The following HTT variants were observed in gnomAD, a reference collection of about 807,000 sequenced individuals.
HTT encodes the protein huntingtin, also known as huntington disease protein.
Under a neutral mutation model 362.3 loss-of-function variants are expected in HTT, and 104 were observed. The observed-to-expected ratio is 0.29, with a 90% confidence interval of 0.24 to 0.34. HTT has a LOEUF of 0.34. HTT is among the 10% of genes least tolerant of loss of function. The pLI is 1.00. For synonymous variants in HTT, 1,577 were observed against 1,548.7 expected, an observed-to-expected ratio of 1.02 and a Z score of -0.43; for missense variants, 3,301 against 3,928.6, an observed-to-expected ratio of 0.84 and a Z score of 4.27.
intron 66 of HTT, among the ~76,000 whole-genome samples, chr4:3,239,551 G>T (rs984849287): frequency 4.6e-5 from 7 of 152,238 alleles, no homozygotes; most frequent in African/African-American, 1.7e-4. Flanking sequence ...TTGGAGCAGG[G>T]CTAGTGGAGG....
rs1433150401 is a variant in HTT, at chr4:3,229,985, G to C, written c.8208G>C (p.Glu2736Asp). The C allele has an allele frequency of 3.1e-6, 5 of 1,614,148 alleles. No homozygotes were observed. The East Asian group carries it at 1.1e-4, about 36-fold the overall frequency. Residue 2736 changes from glutamate to aspartate, a missense_variant, in exon 60 of 67, where the codon GAG (glutamate) becomes GAC (aspartate). By Grantham distance (45) the Glu-to-Asp change is conservative. Coordinates refer to ENST00000355072, the MANE Select transcript of HTT (RefSeq NM_001388492.1). ...ELRRVHPSEDEILAQYLVPAT... is the reference protein window; with the variant it reads ...ELRRVHPSEDDILAQYLVPAT... ...GAAGGGTGCACCCTTCAGAAGACGAGATCCTCGCTCAGTACCTGGTGCCTG... is the reference window on the plus strand; with the variant it reads ...GAAGGGTGCACCCTTCAGAAGACGACATCCTCGCTCAGTACCTGGTGCCTG...
chr4:3,085,357 G>A (rs1234927080), intron 1 of HTT, among the ~76,000 whole-genome samples: 3 of 152,058 alleles, frequency 2.0e-5, no homozygotes, highest in East Asian at 1.9e-4. Flanking sequence ...GGCTGGTCTC[G>A]AACTCCTGAC....
At position 3,218,405 on chromosome 4, in the gene HTT, G is replaced by A. The variant is rs1244116628; in HGVS notation, c.7242+453G>A. Among the ~76,000 whole-genome samples the A allele has an allele frequency of 1.3e-5, 2 of 152,156 alleles. No individual in the cohort carries two copies. Among genetic ancestry groups the A allele is most frequent in the Admixed American group, 1.3e-4 (2 of 15,266 alleles). ...CCCAGCACTTTGGGAAGCCAAGGTG[G>A]GCGGATCACTTGAGGTCAGGATTTC... On this transcript the variant is annotated intron_variant, in intron 52 of 66. Transcript: ENST00000355072. The surrounding 1 kb of genome is among the most constrained non-coding windows in gnomAD (Gnocchi z 4.4).
chr4:3,232,375 C>T (rs1053675978), intron 60 of HTT, among the ~76,000 whole-genome samples: 1 of 152,126 alleles, frequency 6.6e-6, no homozygotes, highest in Non-Finnish European at 1.5e-5. Context: ...ATTCTGTGTC[C>T]CCATAGTCTT....
intron 51 of HTT, among the ~76,000 whole-genome samples, chr4:3,215,460 C>T (rs1294420191): frequency 1.3e-5 from 2 of 152,150 alleles, no homozygotes; most frequent in Non-Finnish European, 2.9e-5. Context: ...TGGGATGCCA[C>T]TGGGGGAGCG....
intron 53 of HTT, among the ~76,000 whole-genome samples, chr4:3,222,125 C>G (rs1720701769): frequency 6.6e-6 from 1 of 152,274 alleles, no homozygotes; most frequent in South Asian, 2.1e-4. Context: ...GTTGACCAGG[C>G]TGCCAGGGCC....
intron 27 of HTT, among the ~76,000 whole-genome samples, chr4:3,156,233 C>T (rs758281297): frequency 6.6e-6 from 1 of 152,158 alleles, no homozygotes; most frequent in Non-Finnish European, 1.5e-5. Context: ...AATTCTCCTG[C>T]CTCAGCCTCC....
chr4:3,157,334 G>T, intron 28 of HTT, 135 bp downstream of exon 28: 2 of 808,656 alleles, frequency 2.5e-6, no homozygotes, highest in Admixed American at 2.9e-5. Context: ...TTTCAAGTTT[G>T]TTTGTCTTTC....
At chr4:3,222,905 G>A (rs551904770) in intron 54 of HTT, among the ~76,000 whole-genome samples, 2 of 152,246 alleles carry the variant, frequency 1.3e-5, no homozygotes, top group South Asian at 4.1e-4. Context: ...CGTACATTAC[G>A]CTAACACGAT....
At chr4:3,078,032 A>G (rs550690096) in intron 1 of HTT, among the ~76,000 whole-genome samples, 8 of 152,102 alleles carry the variant, frequency 5.3e-5, no homozygotes, top group African/African-American at 1.7e-4. Context: ...CACGCCATGC[A>G]TGGGCCTCAG....
intron 12 of HTT, 64 bp downstream of exon 12, chr4:3,127,668 C>A: frequency 1.0e-5 from 13 of 1,251,516 alleles, no homozygotes; most frequent in Non-Finnish European, 1.5e-5. Flanking sequence ...AGTCTCACTC[C>A]ATAGTGCAGT....
intron 29 of HTT, among the ~76,000 whole-genome samples, chr4:3,164,348 A>C (rs946005933): frequency 1.3e-5 from 2 of 152,160 alleles, no homozygotes; most frequent in African/African-American, 2.4e-5. Context: ...ACTTCCAACT[A>C]TGTGGTCAGT....
intron 52 of HTT, among the ~76,000 whole-genome samples, chr4:3,219,392 T>C (rs1049474706): frequency 1.3e-5 from 2 of 152,180 alleles, no homozygotes; most frequent in African/African-American, 4.8e-5. Flanking sequence ...CAGCAAGCTC[T>C]TCACTGGCAT....
intron 23 of HTT, 145 bp from the exon 24 acceptor site, chr4:3,145,007 T>C (rs550686502): frequency 5.1e-5 from 35 of 682,756 alleles, no homozygotes; most frequent in Non-Finnish European, 8.5e-5. Context: ...AGTTGTACCA[T>C]GGTGGGACAG....
intron 23 of HTT, among the ~76,000 whole-genome samples, chr4:3,144,914 G>A (rs1414418572): frequency 1.3e-5 from 2 of 152,166 alleles, no homozygotes; most frequent in Non-Finnish European, 2.9e-5. Flanking sequence ...GATCATTCCA[G>A]GGTGTGGGCA....
Position 3,207,929 on chromosome 4 carries a change from C to CG in HTT, c.6152+576dup, listed in dbSNP as rs1225231684. Among the ~76,000 whole-genome samples the CG allele has an allele frequency of 3.8e-5, 4 of 104,636 alleles. No homozygotes were observed. In the South Asian group the frequency reaches 1.1e-3, roughly 29 times the overall value. The allele number at this position is 104,636 out of a possible 152,430, so 68.6% of individuals were successfully genotyped here. A position where few individuals can be genotyped will look rare whatever the true frequency, so the allele number is the denominator to read the frequency against. On this transcript the variant is annotated intron_variant, in intron 45 of 66. Transcript: ENST00000355072. ...AACTTTTACCTTTTTCCTTCCCTTGCGGGGCGGGGTGGGGGGCAGGGATTG... is the reference window on the plus strand; with the variant it reads ...AACTTTTACCTTTTTCCTTCCCTTGCGGGGGCGGGGTGGGGGGCAGGGATTG...
intron 23 of HTT, among the ~76,000 whole-genome samples, chr4:3,143,221 G>C (rs1460057876): frequency 1.3e-5 from 2 of 152,166 alleles, no homozygotes; most frequent in South Asian, 2.1e-4. Flanking sequence ...GGGCTCACTT[G>C]AGGTCAGGAG....
Position 3,235,645 on chromosome 4 carries a change from C to T in HTT, c.8652C>T (p.Arg2884=), listed in dbSNP as rs1427266620. ...ACTGTGCCCTCAGAGGCCTGGAGCG[C>T]CTCCTGCTCTCTGAGCAGCTCTCCC... ...IYHCALRGLE[R]LLLSEQLSRL... The change falls in exon 63 of 67, where the codon CGC becomes CGT. Residue 2884 remains arginine, a synonymous_variant. Transcript: ENST00000355072. 1.9e-6 allele frequency: 3 copies of T among 1,613,716 alleles called. No individual in the cohort carries two copies. In the African/African-American group the frequency reaches 4.0e-5, roughly 22 times the overall value.
intron 2 of HTT, among the ~76,000 whole-genome samples, chr4:3,098,489 C>T (rs990831787): frequency 6.6e-6 from 1 of 152,198 alleles, no homozygotes; most frequent in African/African-American, 2.4e-5. Flanking sequence ...ACTTCAAGAA[C>T]ATCCTTGTGT....
Sources: allele counts gnomAD v4.1 joint callset (sites outside exome capture counted in the v4.1 genomes callset), GRCh38; gene constraint gnomAD v4.1.1; non-coding constraint Gnocchi (gnomAD v3.1); transcripts MANE v1.5; gene names NCBI Gene and HGNC (gene_info 2026-07-23, HGNC 2026-07-21).